Variants in TMEM117 observed in about 807,000 individuals in gnomAD.
The protein encoded by TMEM117 is transmembrane protein 117.
A neutral mutation model predicts 52.4 loss-of-function variants in TMEM117; 27 were observed. That is an observed-to-expected ratio of 0.51 (90% CI 0.38 to 0.71). The LOEUF (loss-of-function observed/expected upper bound fraction) is 0.71. TMEM117 is among the 30% of genes least tolerant of loss of function. The pLI is 0.00. For synonymous variants in TMEM117, 215 were observed against 206.3 expected (o/e 1.04, Z -0.36); for missense variants, 556 against 630.5 (o/e 0.88, Z 1.26).
At chr12:43,828,690 C>A in the TMEM117 span, among the ~76,000 whole-genome samples, 1 of 152,230 alleles carries the variant, frequency 6.6e-6, no homozygotes, top group Non-Finnish European at 1.5e-5. Flanking sequence ...CTGCCCCCAT[C>A]CCCTTACCGA....
chr12:44,150,330 AAGGAG>A (rs1450660300), intron 4 of TMEM117, among the ~76,000 whole-genome samples: 1 of 152,146 alleles, frequency 6.6e-6, no homozygotes, highest in Non-Finnish European at 1.5e-5. Flanking sequence ...AGAGAAAGAG[AAGGAG>A]GCAAGCAAAG....
intron 3 of TMEM117, among the ~76,000 whole-genome samples, chr12:44,016,475 T>C (rs1946375580): frequency 6.6e-6 from 1 of 152,214 alleles, no homozygotes; most frequent in African/African-American, 2.4e-5. Flanking sequence ...TCCTCTTTCT[T>C]TCTTCAGCTT....
the TMEM117 span, among the ~76,000 whole-genome samples, chr12:43,812,593 C>G: frequency 6.6e-6 from 1 of 152,248 alleles, no homozygotes; most frequent in African/African-American, 2.4e-5. Context: ...ACAAGTTAAC[C>G]GTACTCTTCC....
intron 4 of TMEM117, among the ~76,000 whole-genome samples, chr12:44,192,037 A>T (rs141116821): frequency 6.6e-6 from 1 of 152,216 alleles, no homozygotes; most frequent in Non-Finnish European, 1.5e-5. Flanking sequence ...AATTTAATGT[A>T]TAAGGGTAGG....
chr12:43,990,478 G>GTT (rs1435080314), intron 3 of TMEM117, among the ~76,000 whole-genome samples: 91 of 152,262 alleles, frequency 6.0e-4, no homozygotes, highest in African/African-American at 2.2e-3. Flanking sequence ...CATTTATAAA[G>GTT]TGATCTTGTA....
chr12:44,393,554 A>T (rs1952170307), downstream of TMEM117, among the ~76,000 whole-genome samples: 1 of 143,960 alleles, frequency 6.9e-6, no homozygotes, highest in Non-Finnish European at 1.5e-5. Context: ...AAGCTAGCCA[A>T]ATGCAAAGTC....
intron 3 of TMEM117, among the ~76,000 whole-genome samples, chr12:44,123,861 T>A (rs934834621): frequency 2.0e-4 from 31 of 152,334 alleles, no homozygotes; most frequent in African/African-American, 7.5e-4. Context: ...TTCTTTTTGC[T>A]TAGGATTGTC....
chr12:43,864,764 G>A (rs2137407395), intron 2 of TMEM117, among the ~76,000 whole-genome samples: 1 of 152,210 alleles, frequency 6.6e-6, no homozygotes, highest in South Asian at 2.1e-4. Context: ...GGCCAGATAA[G>A]AGAATAAAAG....
At chr12:44,040,827 T>C (rs1039404830) in intron 3 of TMEM117, among the ~76,000 whole-genome samples, 1 of 152,224 alleles carries the variant, frequency 6.6e-6, no homozygotes, top group Non-Finnish European at 1.5e-5. Flanking sequence ...TTATTATTCA[T>C]GAGTGGGTGT....
intron 3 of TMEM117, among the ~76,000 whole-genome samples, chr12:44,120,823 G>T (rs1436402444): frequency 6.6e-6 from 1 of 152,208 alleles, no homozygotes; most frequent in South Asian, 2.1e-4. Flanking sequence ...AGGTCCTACT[G>T]TGTGTTCCCC....
intron 6 of TMEM117, among the ~76,000 whole-genome samples, chr12:44,368,734 CA>C (rs1205719305): frequency 2.0e-5 from 3 of 152,094 alleles, no homozygotes; most frequent in African/African-American, 7.2e-5. Flanking sequence ...TATAATAAAG[CA>C]CCAAATAAGT....
chr12:43,898,076 T>C (rs948137866), intron 2 of TMEM117, among the ~76,000 whole-genome samples: 9 of 151,284 alleles, frequency 5.9e-5, no homozygotes, highest in African/African-American at 2.2e-4. Flanking sequence ...ACACACCGAT[T>C]TCCTTCAGTT....
At chr12:44,271,844 G>C (rs1418281593) in intron 5 of TMEM117, among the ~76,000 whole-genome samples, 2 of 151,990 alleles carry the variant, frequency 1.3e-5, no homozygotes, top group East Asian at 3.9e-4. Context: ...TATATGATAA[G>C]GGGTTAATAT....
At chr12:43,926,389 T>A (rs1436493326) in intron 2 of TMEM117, among the ~76,000 whole-genome samples, 2 of 152,338 alleles carry the variant, frequency 1.3e-5, no homozygotes, top group East Asian at 3.8e-4. Context: ...AGTAGTTACA[T>A]TGCTTAAAGT....
At chr12:44,142,772 G>A (rs1948588909) in intron 3 of TMEM117, among the ~76,000 whole-genome samples, 1 of 151,998 alleles carries the variant, frequency 6.6e-6, no homozygotes, top group South Asian at 2.1e-4. Flanking sequence ...TGAATAGGGC[G>A]AGTTATGTGA....
intron 4 of TMEM117, among the ~76,000 whole-genome samples, chr12:44,161,328 T>C (rs1237496862): frequency 3.3e-5 from 5 of 152,202 alleles, no homozygotes; most frequent in Admixed American, 6.5e-5. Context: ...GGTTTAAATC[T>C]CAATTCTGAT....
At chr12:44,051,739 T>C (rs933467740) in intron 3 of TMEM117, among the ~76,000 whole-genome samples, 8 of 152,218 alleles carry the variant, frequency 5.3e-5, no homozygotes, top group African/African-American at 1.9e-4. Flanking sequence ...GTCTTCTCAA[T>C]GGCCATGTCT....
At chr12:43,830,140 C>T in the TMEM117 span, among the ~76,000 whole-genome samples, 1 of 150,060 alleles carries the variant, frequency 6.7e-6, no homozygotes, top group Non-Finnish European at 1.5e-5. Flanking sequence ...AGCACAATTG[C>T]CCCTCTCTGT....
intron 3 of TMEM117, among the ~76,000 whole-genome samples, chr12:44,015,976 T>C (rs916132943): frequency 3.9e-5 from 6 of 152,176 alleles, no homozygotes; most frequent in African/African-American, 1.4e-4. Context: ...CTTGGAAATA[T>C]TACAGAGTTG....
Sources: allele counts gnomAD v4.1 joint callset (sites outside exome capture counted in the v4.1 genomes callset), GRCh38; gene constraint gnomAD v4.1.1; transcripts MANE v1.5; gene names NCBI Gene and HGNC (gene_info 2026-07-23, HGNC 2026-07-21).